UBTF: variants seen among roughly 807,000 people sequenced by gnomAD.
The protein encoded by UBTF is upstream binding transcription factor, also known as nucleolar transcription factor 1.
In UBTF, 8 loss-of-function variants were observed where a neutral mutation model predicts 112.3. That is an observed-to-expected ratio of 0.07 (90% CI 0.04 to 0.13). UBTF has a LOEUF of 0.13. UBTF is among the 10% of genes least tolerant of loss of function. UBTF has a pLI of 1.00. For synonymous variants in UBTF, 417 were observed against 373.1 expected (o/e 1.12, Z -1.36); for missense variants, 457 against 982.1 (o/e 0.47, Z 7.15).
Position 44,211,503 on chromosome 17 carries a change from G to T in UBTF, c.1047+103C>A. On this transcript the variant is annotated intron_variant, in intron 10 of 20. Coordinates refer to ENST00000436088, the MANE Select transcript of UBTF (RefSeq NM_014233.4). The surrounding 1 kb of genome is among the most constrained non-coding windows in gnomAD (Gnocchi z 4.9). ...AGCCCAGCCCCACACTGTATTGGAG[G>T]CAGGTACCCAAGGCACACGCCACCA... The T allele has an allele frequency of 6.4e-7, 1 of 1,556,546 alleles. No homozygotes were observed. The highest frequency in any genetic ancestry group is 8.7e-7 in the Non-Finnish European group (1 of 1,147,552).
At chr17:44,210,292 G>A in intron 14 of UBTF, 26 bp downstream of exon 14, 1 of 1,614,238 alleles carries the variant, frequency 6.2e-7, no homozygotes, top group Non-Finnish European at 8.5e-7. Context: ...AGAGGCTGCA[G>A]TACTACCCTT....
chr17:44,209,113 G>A, intron 17 of UBTF: 1 of 294,826 alleles, frequency 3.4e-6, no homozygotes, highest in Non-Finnish European at 5.8e-6. Flanking sequence ...AGGTTGCAGT[G>A]AGCCGAGACT....
chr17:44,212,067 AG>A, intron 8 of UBTF, 61 bp from the exon 9 acceptor site: 1 of 838,424 alleles, frequency 1.2e-6, no homozygotes, highest in Non-Finnish European at 1.7e-6. Flanking sequence ...GGGCAGGGGC[AG>A]GGGGAGAGCC....
intron 17 of UBTF, 142 bp downstream of exon 17, chr17:44,209,209 CG>C: frequency 1.2e-6 from 1 of 820,812 alleles, no homozygotes; most frequent in South Asian, 2.2e-5. Flanking sequence ...TGATAGTGAC[CG>C]TTATCCTGAA....
At chr17:44,220,818 A>C (rs1390649794), upstream of UBTF, 1 of 152,142 alleles carries the variant, frequency 6.6e-6, no homozygotes, top group Non-Finnish European at 1.5e-5. Flanking sequence ...GCTCCGCTGC[A>C]GCCGACGCCG....
chr17:44,211,443 G>C lies in UBTF; in HGVS notation c.1048-112C>G. On this transcript the variant is annotated intron_variant, in intron 10 of 20. Coordinates refer to ENST00000436088, the MANE Select transcript of UBTF (RefSeq NM_014233.4). This position sits in a 1 kb window ranked among gnomAD's most constrained non-coding sequence, Gnocchi z 4.9. The stretch of plus-strand genomic sequence containing the variant: ...GCCTCCAGAGCCTGGGTGTGGGCTG[G>C]ACTCCCTGCCTGGACGGGCTCAGTT... 1 of 1,571,238 alleles carries C rather than the reference G, an allele frequency of 6.4e-7. No individual in the cohort carries two copies. Among genetic ancestry groups the C allele is most frequent in the South Asian group, 1.1e-5 (1 of 89,344 alleles).
chr17:44,207,424 T>G, intron 20 of UBTF, 30 bp downstream of exon 20: 1 of 1,612,112 alleles, frequency 6.2e-7, no homozygotes, highest in African/African-American at 1.3e-5. Context: ...AGGACTCCCC[T>G]CCCCTCCCAC....
intron 8 of UBTF, 72 bp downstream of exon 8, chr17:44,212,272 G>GC: frequency 7.5e-7 from 1 of 1,331,158 alleles, no homozygotes; most frequent in Middle Eastern, 2.3e-4. Context: ...CCCGCAGAGT[G>GC]CGGTGGCCAC....
At chr17:44,216,976 G>A (rs532918977) in intron 2 of UBTF, among the ~76,000 whole-genome samples, 1 of 152,320 alleles carries the variant, frequency 6.6e-6, no homozygotes, top group Admixed American at 6.5e-5. Flanking sequence ...TTTATACTGT[G>A]CCAAGCTGCA....
chr17:44,220,831 G>A (rs1471838049), upstream of UBTF: 1 of 152,138 alleles, frequency 6.6e-6, no homozygotes, highest in East Asian at 1.9e-4. Context: ...CGACGCCGGG[G>A]CAGCGAGTCG....
chr17:44,218,254 C>A lies in UBTF; in HGVS notation c.-25G>T, dbSNP rs755202878. The A allele has an allele frequency of 7.4e-6, 12 of 1,611,478 alleles. No individual in the cohort carries two copies. The South Asian group carries it at 1.2e-4, about 16-fold the overall frequency. On this transcript the variant is annotated 5_prime_UTR_variant, in exon 2 of 21. Transcript: ENST00000436088. ...TCCTCCAGCTGTCCAGCCACCTCCTCGGTCGTGCTGGCCGGGCAACCCGGG... is the reference window on the plus strand; with the variant it reads ...TCCTCCAGCTGTCCAGCCACCTCCTAGGTCGTGCTGGCCGGGCAACCCGGG...
Position 44,207,132 on chromosome 17 carries a change from TG to T in UBTF, c.*109del. The T allele has an allele frequency of 9.4e-7, 1 of 1,062,626 alleles. No individual in the cohort carries two copies. Among genetic ancestry groups the T allele is most frequent in the Non-Finnish European group, 1.3e-6 (1 of 761,010 alleles). 65.8% of individuals were successfully genotyped at this position (1,062,626 alleles called of 1,614,324 possible). ...TTTTTTTTTAAAGAAAGAAAGAAAG[TG>T]GGGGAGGCCAGGGGGGCAAGGGACA... is the stretch of plus-strand genomic sequence containing the variant. On this transcript the variant is annotated 3_prime_UTR_variant, in exon 21 of 21. Coordinates refer to ENST00000436088, the MANE Select transcript of UBTF (RefSeq NM_014233.4).
In UBTF at chr17:44,207,223, C is replaced by G; in HGVS notation, c.*19G>C. The G allele has an allele frequency of 6.2e-7, 1 of 1,613,190 alleles. No individual in the cohort carries two copies. Among genetic ancestry groups the G allele is most frequent in the South Asian group, 1.1e-5 (1 of 90,804 alleles). ...GAGCTCCTGGGCTCTCCCTGGCTGCCCTGGGGTGGGGCTGAGCCTCAGTTG... is the reference window on the plus strand; with the variant it reads ...GAGCTCCTGGGCTCTCCCTGGCTGCGCTGGGGTGGGGCTGAGCCTCAGTTG... On this transcript the variant is annotated 3_prime_UTR_variant, in exon 21 of 21. Coordinates refer to ENST00000436088, the MANE Select transcript of UBTF (RefSeq NM_014233.4).
At chr17:44,213,413 C>A in intron 5 of UBTF, 131 bp from the exon 6 acceptor site, 2 of 980,232 alleles carry the variant, frequency 2.0e-6, no homozygotes, top group Non-Finnish European at 2.9e-6. Flanking sequence ...GAGGCTGGCG[C>A]CCTGCCCGCC....
Position 44,215,972 on chromosome 17 carries a change from T to C in UBTF, c.252A>G (p.Thr84=), listed in dbSNP as rs754265103. The C allele has an allele frequency of 1.7e-5, 28 of 1,613,950 alleles. No individual in the cohort carries two copies. Among genetic ancestry groups the C allele is most frequent in the Middle Eastern group, 1.6e-4 (1 of 6,084 alleles). Residue 84 remains threonine (T), a synonymous_variant, in exon 4 of 21, where the codon ACA becomes ACG. Transcript: ENST00000436088. ...EISNEVRKFR[T]LTELILDAQE... Reference sequence around the variant, plus strand: ...GAGCATCGAGGATCAATTCTGTCAATGTACGGAACTTCCTCACCTGGAGGA... The same window carrying C: ...GAGCATCGAGGATCAATTCTGTCAACGTACGGAACTTCCTCACCTGGAGGA...
In UBTF at chr17:44,206,432, TCA is replaced by T. The variant is rs1046341245; in HGVS notation, c.*808_*809del. ...CCCCTTTACACACACACACACACAC[TCA>T]CACTCTTTTGCACACATCCACAGCT... On this transcript the variant is annotated 3_prime_UTR_variant, in exon 21 of 21. Transcript: ENST00000436088. 3.0e-5 allele frequency: 3 copies of T among 100,550 alleles called. No individual in the cohort carries two copies. Among genetic ancestry groups the T allele is most frequent in the African/African-American group, 1.1e-4 (2 of 18,332 alleles). The allele number at this position is 100,550 out of a possible 1,614,324, so 6.2% of individuals were successfully genotyped here.
At chr17:44,210,531 C>T (rs1050661357) in intron 13 of UBTF, 58 bp from the exon 14 acceptor site, 8 of 1,494,208 alleles carry the variant, frequency 5.4e-6, no homozygotes, top group Middle Eastern at 2.4e-4. Flanking sequence ...GCGCGCTCCC[C>T]GCGCAGCAGC....
At chr17:44,210,049 C>T (rs1178313393) in intron 15 of UBTF, 75 bp downstream of exon 15, 3 of 1,484,618 alleles carry the variant, frequency 2.0e-6, no homozygotes, top group Admixed American at 3.4e-5. Context: ...GCTGGGACTT[C>T]TTGCTCAGAG....
At position 44,211,447 on chromosome 17, in the gene UBTF, C is replaced by T. The variant is rs769173197; in HGVS notation, c.1048-116G>A. The T allele has an allele frequency of 6.4e-7, 1 of 1,569,656 alleles. No individual in the cohort carries two copies. Among genetic ancestry groups the T allele is most frequent in the Non-Finnish European group, 8.7e-7 (1 of 1,146,200 alleles). On this transcript the variant is annotated intron_variant, in intron 10 of 20. Transcript: ENST00000436088. This position sits in a 1 kb window ranked among gnomAD's most constrained non-coding sequence, Gnocchi z 4.9. ...CCAGAGCCTGGGTGTGGGCTGGACT[C>T]CCTGCCTGGACGGGCTCAGTTGCTA...
Sources: gnomAD v4.1 joint callset for allele counts (sites outside exome capture counted in the v4.1 genomes callset) on GRCh38, gnomAD v4.1.1 for gene constraint, Gnocchi (gnomAD v3.1) non-coding constraint, MANE v1.5 for transcripts, NCBI Gene and HGNC (gene_info 2026-07-23, HGNC 2026-07-21) for gene names.